ANKRD30A: variants seen among roughly 807,000 people sequenced by gnomAD.
The protein encoded by ANKRD30A is ankyrin repeat domain 30A.
A neutral mutation model predicts 166.3 loss-of-function variants in ANKRD30A; 170 were observed. The observed-to-expected ratio is 1.02, with a 90% confidence interval of 0.90 to 1.16. ANKRD30A has a LOEUF of 1.16. Ranked by LOEUF, ANKRD30A falls within the 50% of genes most tolerant of loss-of-function variation. The pLI is 0.00. For synonymous variants in ANKRD30A, 564 were observed against 508.9 expected, an observed-to-expected ratio of 1.11 and a Z score of -1.46; for missense variants, 1,630 against 1,518.0, an observed-to-expected ratio of 1.07 and a Z score of -1.23.
chr10:37,233,921 T>C (rs1459770337), downstream of ANKRD30A, among the ~76,000 whole-genome samples: 1 of 152,204 alleles, frequency 6.6e-6, no homozygotes, highest in Admixed American at 6.5e-5. Context: ...ATATCTAATC[T>C]AACATAAAAT....
intron 6 of ANKRD30A, among the ~76,000 whole-genome samples, chr10:37,141,078 A>T (rs1173176267): frequency 6.6e-6 from 1 of 152,090 alleles, no homozygotes; most frequent in Non-Finnish European, 1.5e-5. Context: ...GTCATTTTAT[A>T]TTATTTACTA....
rs142392657 is a variant in ANKRD30A at position 37,151,720 on chromosome 10, G to A, written c.1646-340G>A. ...AATATAAATTTACAAAGAAAAGAGA[G>A]ATGATAGGTAATTAAAGTTTTCTGA... On this transcript the variant is annotated intron_variant, in intron 11 of 35. Coordinates refer to ENST00000361713, the MANE Select transcript of ANKRD30A (RefSeq NM_052997.3). Among the ~76,000 whole-genome samples the A allele has an allele frequency of 2.2e-4, 34 of 152,200 alleles. No individual in the cohort carries two copies. The East Asian group carries it at 6.0e-3, about 27-fold the overall frequency.
chr10:37,264,472 G>A, the ANKRD30A span: 29 of 216,562 alleles, frequency 1.3e-4, no homozygotes, highest in South Asian at 2.0e-3. Flanking sequence ...GGTGGAGTTC[G>A]GGTGAATCTG....
At chr10:37,150,430 A>C (rs1013633492) in intron 11 of ANKRD30A, among the ~76,000 whole-genome samples, 1 of 152,080 alleles carries the variant, frequency 6.6e-6, no homozygotes, top group African/African-American at 2.4e-5. Context: ...TGAATATTTG[A>C]TAAGCACACT....
rs190212528 is a variant in ANKRD30A at position 37,197,803 on chromosome 10, G to A, written c.2716+323G>A. ...CTCCAATTTCTTTTTTTAGTTCTTC[G>A]AAGCTTGATTCAAATTCCACGGTTT... On this transcript the variant is annotated intron_variant, in intron 29 of 35. Coordinates refer to ENST00000361713, the MANE Select transcript of ANKRD30A (RefSeq NM_052997.3). Among the ~76,000 whole-genome samples, 15 of 151,950 alleles carry A rather than the reference G, an allele frequency of 9.9e-5. No homozygotes were observed. In the East Asian group the frequency reaches 2.1e-3, roughly 22 times the overall value.
At chr10:37,164,663 AATC>A (rs1383576895) in intron 17 of ANKRD30A, among the ~76,000 whole-genome samples, 3 of 152,102 alleles carry the variant, frequency 2.0e-5, no homozygotes, top group Non-Finnish European at 4.4e-5. Context: ...TTCATTGATA[AATC>A]ATCTTTTTTG....
intron 6 of ANKRD30A, among the ~76,000 whole-genome samples, chr10:37,138,977 A>G (rs1836915610): frequency 6.6e-6 from 1 of 152,172 alleles, no homozygotes; most frequent in Non-Finnish European, 1.5e-5. Flanking sequence ...AGCCAGAGAG[A>G]AAGGTCGGGT....
At chr10:37,183,135 C>T (rs1236768738) in intron 24 of ANKRD30A, among the ~76,000 whole-genome samples, 8 of 149,358 alleles carry the variant, frequency 5.4e-5, no homozygotes, top group Non-Finnish European at 8.9e-5. Context: ...GGAGTATTTA[C>T]TGCTTCATCC....
chr10:37,241,252 A>G, the ANKRD30A span: 1 of 151,604 alleles, frequency 6.6e-6, no homozygotes, highest in African/African-American at 2.4e-5. Context: ...AGATGAAGTT[A>G]GTAAAGCATC....
chr10:37,134,424 G>A (rs1836554707), intron 5 of ANKRD30A, among the ~76,000 whole-genome samples: 2 of 152,148 alleles, frequency 1.3e-5, no homozygotes. Flanking sequence ...ATTGGGGGCA[G>A]AAATCACCAT....
the ANKRD30A span, among the ~76,000 whole-genome samples, chr10:37,244,011 TCAA>T: frequency 6.6e-6 from 1 of 152,154 alleles, no homozygotes; most frequent in Non-Finnish European, 1.5e-5. Flanking sequence ...GGCATCATTG[TCAA>T]CAACAGCATT....
intron 31 of ANKRD30A, among the ~76,000 whole-genome samples, chr10:37,202,834 C>T (rs900666956): frequency 3.3e-5 from 5 of 152,130 alleles, no homozygotes; most frequent in East Asian, 1.9e-4. Context: ...GAAATACAAA[C>T]TACCATCAGA....
chr10:37,152,890 T>A (rs1488509621), intron 12 of ANKRD30A, among the ~76,000 whole-genome samples: 3 of 152,086 alleles, frequency 2.0e-5, no homozygotes, highest in Admixed American at 1.3e-4. Flanking sequence ...ATAGGTAGAT[T>A]TTATCTGATA....
chr10:37,137,133 A>T (rs1478364964), intron 6 of ANKRD30A, among the ~76,000 whole-genome samples: 1 of 151,970 alleles, frequency 6.6e-6, no homozygotes, highest in East Asian at 1.9e-4. Context: ...TAATGAATTA[A>T]TATATTTATA....
Position 37,213,168 on chromosome 10 carries a change from A to T in ANKRD30A, c.2870-3013A>T, listed in dbSNP as rs1302961467. Among the ~76,000 whole-genome samples the T allele has an allele frequency of 1.1e-4, 16 of 151,928 alleles. No homozygotes were observed. The South Asian group carries it at 1.9e-3, about 18-fold the overall frequency. ...AGTTCTCTTTGCCTATTATTTAAAA[A>T]ATCTGTAGTTGGGAGCTTATCGGCA... On this transcript the variant is annotated intron_variant, in intron 31 of 35. Coordinates refer to ENST00000361713, the MANE Select transcript of ANKRD30A (RefSeq NM_052997.3).
At chr10:37,214,281 A>G (rs1431167531) in intron 31 of ANKRD30A, among the ~76,000 whole-genome samples, 2 of 151,536 alleles carry the variant, frequency 1.3e-5, no homozygotes, top group African/African-American at 4.8e-5. Context: ...TCTTTAATCA[A>G]TTTTTGTCTT....
chr10:37,208,972 A>G (rs1375011640), intron 31 of ANKRD30A, among the ~76,000 whole-genome samples: 1 of 152,152 alleles, frequency 6.6e-6, no homozygotes, highest in Non-Finnish European at 1.5e-5. Context: ...ATTTTTAGAA[A>G]TATGCATTTA....
At chr10:37,209,280 G>A (rs2132714730) in intron 31 of ANKRD30A, among the ~76,000 whole-genome samples, 1 of 152,218 alleles carries the variant, frequency 6.6e-6, no homozygotes, top group South Asian at 2.1e-4. Flanking sequence ...AATTTATGAG[G>A]AAATAGATTT....
At chr10:37,247,563 G>A in the ANKRD30A span, among the ~76,000 whole-genome samples, 1 of 151,706 alleles carries the variant, frequency 6.6e-6, no homozygotes, top group African/African-American at 2.4e-5. Context: ...AGGGTGGGAG[G>A]AAGAATAGTA....
Sources: allele counts gnomAD v4.1 joint callset (sites outside exome capture counted in the v4.1 genomes callset), GRCh38; gene constraint gnomAD v4.1.1; transcripts MANE v1.5; gene names NCBI Gene and HGNC (gene_info 2026-07-23, HGNC 2026-07-21).